Variants in ZNF836 observed in about 807,000 individuals in gnomAD.
ZNF836 encodes the protein zinc finger protein 836.
In ZNF836, 12 loss-of-function variants were observed where a neutral mutation model predicts 7.4. That is an observed-to-expected ratio of 1.61 (90% CI 1.03 to 2.61). The LOEUF is 2.61. Among genes scored for constraint, ZNF836 ranks in the 30% most tolerant of loss-of-function variants. The pLI is 0.00. For missense variants in ZNF836, 998 were observed against 1,126.2 expected, an observed-to-expected ratio of 0.89 and a Z score of 1.63; for synonymous variants, 365 against 382.6, an observed-to-expected ratio of 0.95 and a Z score of 0.54.
At chr19:52,167,497 A>G (rs1023496104) in intron 3 of ZNF836, among the ~76,000 whole-genome samples, 19 of 150,078 alleles carry the variant, frequency 1.3e-4, no homozygotes, top group Non-Finnish European at 2.5e-4. Flanking sequence ...AAAAAAAAAA[A>G]TCAATGATAA....
chr19:52,160,269 G>C, intron 4 of ZNF836, 196 bp downstream of exon 4: 2 of 638,044 alleles, frequency 3.1e-6, no homozygotes, highest in Non-Finnish European at 5.4e-6. Context: ...GACAACAAGG[G>C]AAGACATTCA....
At position 52,155,733 on chromosome 19, in the gene ZNF836, G is replaced by C; in HGVS notation, c.1950C>G (p.Tyr650Ter). Reference sequence around the variant, plus strand: ...TTTTCCGATGACGTGCTAGGCATGAGTAGTAACTGAAAACCTTGCCGCATT... The same window carrying C: ...TTTTCCGATGACGTGCTAGGCATGACTAGTAACTGAAAACCTTGCCGCATT... ...CNECGKVFSY[Y>*]SCLARHRKIH... Residue 650 changes from tyrosine to a stop codon, truncating the protein, a stop_gained, in exon 5 of 5, where the codon TAC (tyrosine) becomes TAG (stop). Transcript: ENST00000682614. LOFTEE classifies it low-confidence loss of function (END_TRUNC). 6.2e-7 allele frequency: 1 copy of C among 1,614,098 alleles called. No homozygotes were observed. Among genetic ancestry groups the C allele is most frequent in the Non-Finnish European group, 8.5e-7 (1 of 1,179,996 alleles).
intron 2 of ZNF836, among the ~76,000 whole-genome samples, chr19:52,168,604 C>T (rs557770031): frequency 6.6e-6 from 1 of 151,690 alleles, no homozygotes; most frequent in Non-Finnish European, 1.5e-5. Flanking sequence ...ATAAATCAAT[C>T]AATAAAAATA....
At chr19:52,170,150 G>C (rs2089296916) in intron 1 of ZNF836, among the ~76,000 whole-genome samples, 1 of 151,212 alleles carries the variant, frequency 6.6e-6, no homozygotes, top group Admixed American at 6.6e-5. Context: ...CTTCACTATT[G>C]TGTGTGTCCC....
At chr19:52,160,208 T>G in intron 4 of ZNF836, 1 of 391,242 alleles carries the variant, frequency 2.6e-6, no homozygotes, top group Non-Finnish European at 4.4e-6. Flanking sequence ...AAAAAAAAAG[T>G]ACCATTATAC....
Position 52,155,293 on chromosome 19 carries a change from C to T in ZNF836, c.2390G>A (p.Arg797Gln), listed in dbSNP as rs369202646. ...AGGTTTCTCTCCAGTATGAATACTCCGATGACGTGCTAGTGTTGATTGATG... is the reference window on the plus strand; with the variant it reads ...AGGTTTCTCTCCAGTATGAATACTCTGATGACGTGCTAGTGTTGATTGATG... Reference protein sequence around the residue: ...FRHQSTLARHRSIHTGEKPYV... With the variant: ...FRHQSTLARHQSIHTGEKPYV... The change falls in exon 5 of 5, where the codon CGG becomes CAG. Residue 797 changes from arginine (R) to glutamine (Q), a missense_variant. Transcript: ENST00000682614. 130 of 1,613,496 alleles carry T rather than the reference C, an allele frequency of 8.1e-5. 1 individual carries two copies. Among genetic ancestry groups the T allele is most frequent in the Middle Eastern group, 5.0e-4 (3 of 6,058 alleles).
Position 52,155,239 on chromosome 19 carries a change from A to G in ZNF836, c.2444T>C (p.Phe815Ser). The stretch of plus-strand genomic sequence containing the variant: ...ATTAACCAGAATTGAACGCACTCTA[A>G]AGGCTTTGCCACACTCATTACACAC... The part of the protein sequence containing the change: ...PYVCNECGKA[F>S]RVRSILVNHQ... The change falls in exon 5 of 5, where the codon TTT becomes TCT. Residue 815 changes from phenylalanine to serine, a missense_variant. Transcript: ENST00000682614. 6.2e-7 allele frequency: 1 copy of G among 1,614,002 alleles called. No homozygotes were observed. The highest frequency in any genetic ancestry group is 8.5e-7 in the Non-Finnish European group (1 of 1,179,930).
In ZNF836 at chr19:52,164,870, T is replaced by C. The variant is rs554502604; in HGVS notation, c.15+3188A>G. Among the ~76,000 whole-genome samples, 3 of 152,294 alleles carry C rather than the reference T, an allele frequency of 2.0e-5. No individual in the cohort carries two copies. The East Asian group carries it at 5.8e-4, about 29-fold the overall frequency. ...CTGGAGGCTAAGGCAAGCGGATGAC[T>C]TGAGTTCAGGAGTTTGAGACCAGCT... On this transcript the variant is annotated intron_variant, in intron 3 of 4. Coordinates refer to ENST00000682614, the MANE Select transcript of ZNF836 (RefSeq NM_001102657.3).
Position 52,157,526 on chromosome 19 carries a change from A to G in ZNF836, c.157T>C (p.Cys53Arg), listed in dbSNP as rs777386118. The G allele has an allele frequency of 1.3e-6, 2 of 1,520,436 alleles. No individual in the cohort carries two copies. The highest frequency in any genetic ancestry group is 1.8e-6 in the Non-Finnish European group (2 of 1,140,034). 94.2% of individuals were successfully genotyped at this position (1,520,436 alleles called of 1,614,324 possible). ...NLVFLGILPK[C>R]MTKELPPIGN... ...ATTGGTGGTAATTCCTTGGTCATAC[A>G]TTTAGGAAGGATACCTACAAAATAT... Residue 53 changes from cysteine to arginine, a missense_variant, in exon 5 of 5, where the codon TGT becomes CGT. Cys to Arg is a radical substitution (Grantham distance 180, BLOSUM62 -3). Transcript: ENST00000682614.
intron 2 of ZNF836, among the ~76,000 whole-genome samples, chr19:52,169,416 C>T (rs2089291068): frequency 6.6e-6 from 1 of 152,022 alleles, no homozygotes; most frequent in African/African-American, 2.4e-5. Flanking sequence ...TCTGTCTCTA[C>T]TAAAAATACA....
At position 52,157,518 on chromosome 19, in the gene ZNF836, G is replaced by C. The variant is rs1030234209; in HGVS notation, c.165C>G (p.Thr55=). ...VFLGILPKCM[T]KELPPIGNSN... ...TGTTCCCTATTGGTGGTAATTCCTT[G>C]GTCATACATTTAGGAAGGATACCTA... Residue 55 remains threonine (T), a synonymous_variant, in exon 5 of 5, where the codon ACC becomes ACG. Coordinates refer to ENST00000682614, the MANE Select transcript of ZNF836 (RefSeq NM_001102657.3). 2 of 1,531,624 alleles carry C rather than the reference G, an allele frequency of 1.3e-6. No homozygotes were observed. Among genetic ancestry groups the C allele is most frequent in the Non-Finnish European group, 1.7e-6 (2 of 1,145,772 alleles). The allele number at this position is 1,531,624 out of a possible 1,614,324, so 94.9% of individuals were successfully genotyped here.
chr19:52,160,710 G>T, intron 3 of ZNF836, 119 bp from the exon 4 acceptor site: 1 of 1,274,102 alleles, frequency 7.8e-7, no homozygotes, highest in Non-Finnish European at 1.1e-6. Context: ...ATCCATGCAA[G>T]GCATCTGTGA....
intron 3 of ZNF836, 27 bp from the exon 4 acceptor site, chr19:52,160,618 G>A: frequency 6.3e-7 from 1 of 1,587,452 alleles, no homozygotes; most frequent in Non-Finnish European, 8.5e-7. Flanking sequence ...ATTTCAACAT[G>A]AGCAATGGGA....
At position 52,157,257 on chromosome 19, in the gene ZNF836, T is replaced by C; in HGVS notation, c.426A>G (p.Thr142=). The change falls in exon 5 of 5, where the codon ACA becomes ACG. Residue 142 remains threonine (T), a synonymous_variant. Coordinates refer to ENST00000682614, the MANE Select transcript of ZNF836 (RefSeq NM_001102657.3). ...VENKCIENQL[T]LSFQSRLTEL... Reference sequence around the variant, plus strand: ...CAGTCAGACGTGACTGAAAGCTTAATGTAAGCTGATTTTCAATACATTTGT... The same window carrying C: ...CAGTCAGACGTGACTGAAAGCTTAACGTAAGCTGATTTTCAATACATTTGT... The C allele has an allele frequency of 6.2e-7, 1 of 1,606,750 alleles. No homozygotes were observed. Among genetic ancestry groups the C allele is most frequent in the Non-Finnish European group, 8.5e-7 (1 of 1,175,640 alleles).
chr19:52,163,288 A>G (rs1022285007), intron 3 of ZNF836, among the ~76,000 whole-genome samples: 2 of 152,122 alleles, frequency 1.3e-5, no homozygotes, highest in Non-Finnish European at 2.9e-5. Context: ...TCCTAAATAC[A>G]CTTTTAATTC....
intron 3 of ZNF836, among the ~76,000 whole-genome samples, chr19:52,164,129 GA>G (rs1184428348): frequency 6.6e-6 from 1 of 151,298 alleles, no homozygotes; most frequent in East Asian, 2.0e-4. Flanking sequence ...AGTGGCTCAC[GA>G]CCTGTAATCC....
At position 52,164,045 on chromosome 19, in the gene ZNF836, AAGGG is replaced by A. The variant is rs371240110; in HGVS notation, c.16-3458_16-3455del. Reference sequence around the variant, plus strand: ...GGAAAAGAAAAAGAAGGAAGGAAGGAAGGGAGGGAGGGAGGGAAGAACAAGAAAG... The same window carrying A: ...GGAAAAGAAAAAGAAGGAAGGAAGGAAGGGAGGGAGGGAAGAACAAGAAAG... On this transcript the variant is annotated intron_variant, in intron 3 of 4. Coordinates refer to ENST00000682614, the MANE Select transcript of ZNF836 (RefSeq NM_001102657.3). Among the ~76,000 whole-genome samples, 643 of 144,466 alleles carry A rather than the reference AAGGG, an allele frequency of 4.5e-3. 4 individuals are homozygous for A. The highest frequency in any genetic ancestry group is 0.02 in the East Asian group (89 of 4,438). 94.8% of individuals were successfully genotyped at this position (144,466 alleles called of 152,430 possible). A position where few individuals can be genotyped will look rare whatever the true frequency, so the allele number is the denominator to read the frequency against.
intron 3 of ZNF836, among the ~76,000 whole-genome samples, chr19:52,163,146 G>A (rs563941268): frequency 1.7e-3 from 253 of 152,288 alleles, no homozygotes; most frequent in Middle Eastern, 3.4e-3. Flanking sequence ...AATGGGCACA[G>A]CAGTCTCAAA....
At chr19:52,165,860 T>G (rs938911184) in intron 3 of ZNF836, among the ~76,000 whole-genome samples, 16 of 152,264 alleles carry the variant, frequency 1.1e-4, no homozygotes, top group Non-Finnish European at 2.1e-4. Context: ...ATTTTCCATT[T>G]CATTAATTTG....
Sources: gnomAD v4.1 joint callset for allele counts (sites outside exome capture counted in the v4.1 genomes callset) on GRCh38, gnomAD v4.1.1 for gene constraint, MANE v1.5 for transcripts, NCBI Gene and HGNC (gene_info 2026-07-23, HGNC 2026-07-21) for gene names.